The following CEP68 variants were observed in gnomAD, a reference collection of about 807,000 sequenced individuals.
The protein encoded by CEP68 is centrosomal protein of 68 kDa.
Under a neutral mutation model 55.3 loss-of-function variants are expected in CEP68, and 26 were observed. That is an observed-to-expected ratio of 0.47 (90% CI 0.34 to 0.65). The LOEUF (loss-of-function observed/expected upper bound fraction) is 0.65, where lower values mean the gene tolerates loss of function less well. Among genes scored for constraint, CEP68 ranks in the 30% least tolerant of loss-of-function variants. The probability of loss-of-function intolerance (pLI) is 0.01; values close to 1 mark genes in which losing one functional copy is unlikely to be tolerated. For synonymous variants in CEP68, 402 were observed against 383.2 expected (o/e 1.05, Z -0.57); for missense variants, 957 against 946.7 (o/e 1.01, Z -0.14).
At chr2:65,069,324 A>G in intron 1 of CEP68, 75 bp from the exon 2 acceptor site, 1 of 791,220 alleles carries the variant, frequency 1.3e-6, no homozygotes, top group Non-Finnish European at 1.9e-6. Context: ...GTTTGCCTTA[A>G]TTGTTAAAGA....
chr2:65,075,604 G>A (rs1676723624), intron 4 of CEP68, among the ~76,000 whole-genome samples: 1 of 152,168 alleles, frequency 6.6e-6, no homozygotes, highest in South Asian at 2.1e-4. Flanking sequence ...TCCCCTTTCA[G>A]TCTCAGAAGT....
chr2:65,072,902 C>A lies in CEP68; in HGVS notation c.1806C>A (p.Phe602Leu), dbSNP rs541297310. 3.7e-6 allele frequency: 6 copies of A among 1,614,182 alleles called. No individual in the cohort carries two copies. In the East Asian group the frequency reaches 1.3e-4, roughly 36 times the overall value. ...CAGCTAGGTTGGACCGGTGGCCATT[C>A]TCAGACCCAGATGTTGAAGGGCAGC... ...SLPARLDRWP[F>L]SDPDVEGQLP... The change falls in exon 3 of 7, where the codon TTC (phenylalanine) becomes TTA (leucine). Residue 602 changes from phenylalanine to leucine, a missense_variant. By Grantham distance (22) the Phe-to-Leu change is conservative. Coordinates refer to ENST00000377990, the MANE Select transcript of CEP68 (RefSeq NM_015147.3).
chr2:65,073,197 A>C, intron 3 of CEP68: 1 of 626,880 alleles, frequency 1.6e-6, no homozygotes, highest in East Asian at 3.0e-5. Context: ...AGGTTAGGTA[A>C]CGTGCCCACT....
chr2:65,070,417 G>A (rs1338262683), intron 2 of CEP68, among the ~76,000 whole-genome samples: 1 of 151,880 alleles, frequency 6.6e-6, no homozygotes, highest in Non-Finnish European at 1.5e-5. Flanking sequence ...ATTGGGAGGT[G>A]ACCGGAATGA....
chr2:65,074,002 G>A (rs1676638028), intron 3 of CEP68: 1 of 343,314 alleles, frequency 2.9e-6, no homozygotes, highest in African/African-American at 2.1e-5. Context: ...TCCAAGAATT[G>A]GTTTCCATGG....
chr2:65,060,230 A>ATT (rs71394917), intron 1 of CEP68, among the ~76,000 whole-genome samples: 5 of 151,790 alleles, frequency 3.3e-5, no homozygotes, highest in East Asian at 1.9e-4. Flanking sequence ...AAAGAGGGAA[A>ATT]TTTTTTTTTA....
chr2:65,073,827 AC>A (rs1206080757), intron 3 of CEP68: 1 of 167,702 alleles, frequency 6.0e-6, no homozygotes, highest in Non-Finnish European at 1.3e-5. Flanking sequence ...GTTATCATGG[AC>A]CCCTCTTTAC....
At chr2:65,076,420 C>T (rs938799171) in intron 4 of CEP68, among the ~76,000 whole-genome samples, 1 of 152,200 alleles carries the variant, frequency 6.6e-6, no homozygotes, top group African/African-American at 2.4e-5. Context: ...GGGAGTCACT[C>T]GTGCAGGTCA....
rs2103808274 is a variant in CEP68, at chr2:65,084,055, T to C, written c.*421T>C. 6.6e-6 allele frequency: 1 copy of C among 152,272 alleles called. No individual in the cohort carries two copies. The highest frequency in any genetic ancestry group is 1.9e-4 in the East Asian group (1 of 5,186). 9.4% of individuals were successfully genotyped at this position (152,272 alleles called of 1,614,324 possible). Reference sequence around the variant, plus strand: ...GACCTAAGAGACTGAAAAAAGTGAATTGTTGGCCAGAAACCTTGGGTCTTT... The same window carrying C: ...GACCTAAGAGACTGAAAAAAGTGAACTGTTGGCCAGAAACCTTGGGTCTTT... On this transcript the variant is annotated 3_prime_UTR_variant, in exon 7 of 7. Transcript: ENST00000377990.
At chr2:65,063,414 G>T (rs2103751461) in intron 1 of CEP68, among the ~76,000 whole-genome samples, 1 of 152,330 alleles carries the variant, frequency 6.6e-6, no homozygotes, top group East Asian at 1.9e-4. Context: ...ACGGGGGCCT[G>T]TGCCCCATCA....
chr2:65,080,406 T>A, intron 5 of CEP68: 1 of 985,414 alleles, frequency 1.0e-6, no homozygotes. Flanking sequence ...ACTTAACTTT[T>A]CTTCCGCCAG....
chr2:65,080,970 G>T (rs1038101971), intron 5 of CEP68, among the ~76,000 whole-genome samples: 1 of 152,006 alleles, frequency 6.6e-6, no homozygotes, highest in African/African-American at 2.4e-5. Flanking sequence ...CAGCACTTTG[G>T]GAGGCCAAGG....
At chr2:65,064,703 C>T (rs892701763) in intron 1 of CEP68, among the ~76,000 whole-genome samples, 3 of 144,890 alleles carry the variant, frequency 2.1e-5, no homozygotes, top group Non-Finnish European at 3.0e-5. Context: ...CACTGCAGTC[C>T]AGCCTTGGCG....
intron 5 of CEP68, among the ~76,000 whole-genome samples, chr2:65,081,156 A>T (rs1481830161): frequency 6.6e-6 from 1 of 150,742 alleles, no homozygotes; most frequent in African/African-American, 2.4e-5. Flanking sequence ...GGTTTTAGTG[A>T]GCCGAGATTT....
intron 1 of CEP68, among the ~76,000 whole-genome samples, chr2:65,068,450 C>T (rs1208144146): frequency 1.3e-5 from 2 of 152,202 alleles, no homozygotes; most frequent in Admixed American, 1.3e-4. Context: ...GTTACACTTA[C>T]CCTACCACTG....
At position 65,072,516 on chromosome 2, in the gene CEP68, G is replaced by C; in HGVS notation, c.1420G>C (p.Glu474Gln). The C allele has an allele frequency of 1.9e-6, 3 of 1,614,146 alleles. No individual in the cohort carries two copies. The highest frequency in any genetic ancestry group is 2.5e-6 in the Non-Finnish European group (3 of 1,180,034). ...CACAGAGTCTAGGTGGAAATCAGAA[G>C]AGGAAGTGGAAAGTGATGACGAGTA... ...TCTESRWKSE[E>Q]EVESDDEYLA... Residue 474 changes from glutamate to glutamine, a missense_variant, in exon 3 of 7, where the codon GAG (glutamate) becomes CAG (glutamine). By Grantham distance (29) the Glu-to-Gln change is conservative. Transcript: ENST00000377990.
intron 1 of CEP68, among the ~76,000 whole-genome samples, chr2:65,063,225 C>A (rs933939746): frequency 1.3e-5 from 2 of 152,238 alleles, no homozygotes; most frequent in Non-Finnish European, 2.9e-5. Context: ...ATAGCAAAGT[C>A]CAGATGGTCC....
In CEP68 at chr2:65,069,944, T is replaced by C. The variant is rs1676380538; in HGVS notation, c.357+143T>C. ...GGCCTGAGTATGATGATTTCTGTTT[T>C]GCGGGTTCAGCTAGAGAGCTGGGCC... On this transcript the variant is annotated intron_variant, in intron 2 of 6. Coordinates refer to ENST00000377990, the MANE Select transcript of CEP68 (RefSeq NM_015147.3). 7 of 814,336 alleles carry C rather than the reference T, an allele frequency of 8.6e-6. No homozygotes were observed. The Admixed American group carries it at 1.2e-4, about 13-fold the overall frequency. The allele number at this position is 814,336 out of a possible 1,614,324, so 50.4% of individuals were successfully genotyped here.
chr2:65,083,585 G>A (rs978322298), intron 6 of CEP68, 54 bp from the exon 7 acceptor site: 3 of 152,200 alleles, frequency 2.0e-5, no homozygotes, highest in South Asian at 2.1e-4. Flanking sequence ...TGCTGTTGTC[G>A]TTTCTTCCTC....
Sources: gnomAD v4.1 joint callset for allele counts (sites outside exome capture counted in the v4.1 genomes callset) on GRCh38, gnomAD v4.1.1 for gene constraint, MANE v1.5 for transcripts, NCBI Gene and HGNC (gene_info 2026-07-23, HGNC 2026-07-21) for gene names.